Variants in STK17A observed in about 807,000 individuals in gnomAD.
The protein encoded by STK17A is serine/threonine-protein kinase 17A.
Under a neutral mutation model 43.7 loss-of-function variants are expected in STK17A, and 26 were observed. The observed-to-expected ratio is 0.60, with a 90% confidence interval of 0.44 to 0.83. STK17A has a LOEUF of 0.83. STK17A is among the 40% of genes least tolerant of loss of function. The pLI is 0.00. For synonymous variants in STK17A, 191 were observed against 182.5 expected (o/e 1.05, Z -0.38); for missense variants, 476 against 511.6 (o/e 0.93, Z 0.67).
chr7:43,591,066 A>G (rs944208338), intron 1 of STK17A, among the ~76,000 whole-genome samples: 1 of 151,318 alleles, frequency 6.6e-6, no homozygotes, highest in Non-Finnish European at 1.5e-5. Flanking sequence ...CTCCCATTGC[A>G]CCAGTCATTT....
intron 1 of STK17A, 119 bp downstream of exon 1, chr7:43,583,568 G>A (rs1250471509): frequency 8.6e-6 from 8 of 931,380 alleles, no homozygotes; most frequent in Non-Finnish European, 1.1e-5. Flanking sequence ...TGCCGATAAC[G>A]CGCGTTGTGA....
chr7:43,613,918 A>G (rs1157919029), intron 3 of STK17A, among the ~76,000 whole-genome samples: 1 of 152,178 alleles, frequency 6.6e-6, no homozygotes, highest in South Asian at 2.1e-4. Context: ...GACTTTCCAT[A>G]TGAGATTTAA....
intron 2 of STK17A, among the ~76,000 whole-genome samples, chr7:43,598,343 G>C (rs917329706): frequency 6.6e-6 from 1 of 151,808 alleles, no homozygotes; most frequent in Non-Finnish European, 1.5e-5. Flanking sequence ...GGTAGCAGGC[G>C]CCTATAGTCC....
chr7:43,618,930 G>C (rs1277229674), intron 3 of STK17A, among the ~76,000 whole-genome samples: 1 of 152,150 alleles, frequency 6.6e-6, no homozygotes, highest in East Asian at 1.9e-4. Context: ...TGGGAGAAGA[G>C]GGCCATGCAG....
Position 43,583,212 on chromosome 7 carries a change from A to G in STK17A, c.-32A>G. 1.3e-6 allele frequency: 2 copies of G among 1,553,586 alleles called. No individual in the cohort carries two copies. Among genetic ancestry groups the G allele is most frequent in the Non-Finnish European group, 1.7e-6 (2 of 1,151,670 alleles). On this transcript the variant is annotated 5_prime_UTR_variant, in exon 1 of 7. Coordinates refer to ENST00000319357, the MANE Select transcript of STK17A (RefSeq NM_004760.3). ...GACCCTCCGGCTGCTCGGAGTGAAC[A>G]GGCGGCCAGGAAAGAAGCGGGCCTG...
chr7:43,583,705 C>A (rs1366099021), intron 1 of STK17A, among the ~76,000 whole-genome samples: 1 of 152,198 alleles, frequency 6.6e-6, no homozygotes, highest in African/African-American at 2.4e-5. Context: ...CGGACACTTT[C>A]CTCAGCCCTT....
At chr7:43,618,644 T>C (rs1490943299) in intron 3 of STK17A, among the ~76,000 whole-genome samples, 6 of 152,256 alleles carry the variant, frequency 3.9e-5, no homozygotes, top group Non-Finnish European at 7.3e-5. Context: ...TTTAAAAATT[T>C]AATGAATTTT....
At chr7:43,583,849 C>T (rs1487799952) in intron 1 of STK17A, among the ~76,000 whole-genome samples, 13 of 152,186 alleles carry the variant, frequency 8.5e-5, no homozygotes, top group Non-Finnish European at 1.5e-4. Flanking sequence ...TCAACTCTTG[C>T]GACTTTCTTG....
intron 3 of STK17A, among the ~76,000 whole-genome samples, chr7:43,611,454 A>G (rs1168714549): frequency 6.6e-6 from 1 of 152,206 alleles, no homozygotes; most frequent in Non-Finnish European, 1.5e-5. Context: ...AAGTATGGAC[A>G]TGTGCACACC....
chr7:43,590,316 A>C (rs979975196), intron 1 of STK17A, among the ~76,000 whole-genome samples: 3 of 151,254 alleles, frequency 2.0e-5, no homozygotes, highest in African/African-American at 7.3e-5. Flanking sequence ...ATGAAGCCCA[A>C]ACTCCTTAGC....
intron 3 of STK17A, among the ~76,000 whole-genome samples, chr7:43,616,320 G>A (rs915285660): frequency 3.9e-5 from 6 of 152,220 alleles, no homozygotes; most frequent in South Asian, 2.1e-4. Context: ...ACAGTAGGGC[G>A]TTCTTATTGC....
Sources: allele counts gnomAD v4.1 joint callset (sites outside exome capture counted in the v4.1 genomes callset), GRCh38; gene constraint gnomAD v4.1.1; transcripts MANE v1.5; gene names NCBI Gene and HGNC (gene_info 2026-07-23, HGNC 2026-07-21).